ZNF626: variants seen among roughly 807,000 people sequenced by gnomAD.
The protein encoded by ZNF626 is zinc finger protein 626, also known as CTC-513N18.7.
A neutral mutation model predicts 11.7 loss-of-function variants in ZNF626; 4 were observed. That is an observed-to-expected ratio of 0.34 (90% CI 0.17 to 0.78). ZNF626 has a LOEUF of 0.78. Ranked by LOEUF, ZNF626 falls within the 30% of genes least tolerant of loss-of-function variation. The probability of loss-of-function intolerance (pLI) is 0.57; values close to 1 mark genes in which losing one functional copy is unlikely to be tolerated. For missense variants in ZNF626, 588 were observed against 587.1 expected (o/e 1.00, Z -0.01); for synonymous variants, 179 against 198.6 (o/e 0.90, Z 0.83).
intron 3 of ZNF626, among the ~76,000 whole-genome samples, chr19:20,633,389 G>A (rs1969930329): frequency 8.5e-6 from 1 of 118,224 alleles, no homozygotes; most frequent in African/African-American, 4.1e-5. Flanking sequence ...CAGAGGTGGA[G>A]CCTAAGAGGC....
rs1969750043 is a variant in ZNF626, at chr19:20,620,866, G to C, written c.*3424C>G. Reference sequence around the variant, plus strand: ...TTTTTCTTTTTTTTTTTGTGACGGAGTCTTGCTCTGTTGCCCAGGCTGGAG... The same window carrying C: ...TTTTTCTTTTTTTTTTTGTGACGGACTCTTGCTCTGTTGCCCAGGCTGGAG... On this transcript the variant is annotated 3_prime_UTR_variant, in exon 4 of 4. Transcript: ENST00000601440. 6.9e-6 allele frequency: 1 copy of C among 144,666 alleles called. No individual in the cohort carries two copies. The highest frequency in any genetic ancestry group is 7.1e-5 in the Admixed American group (1 of 14,162). The allele number at this position is 144,666 out of a possible 1,614,324, so 9.0% of individuals were successfully genotyped here. A position where few individuals can be genotyped will look rare whatever the true frequency, so the allele number is the denominator to read the frequency against.
intron 3 of ZNF626, among the ~76,000 whole-genome samples, chr19:20,644,420 C>T (rs1555771718): frequency 1.3e-5 from 2 of 152,186 alleles, no homozygotes; most frequent in African/African-American, 2.4e-5. Flanking sequence ...AACAAGCCAA[C>T]TGAAGATGAA....
chr19:20,654,469 G>A (rs1430801632), intron 1 of ZNF626, among the ~76,000 whole-genome samples: 1 of 151,852 alleles, frequency 6.6e-6, no homozygotes, highest in African/African-American at 2.4e-5. Flanking sequence ...AGCACTTTGG[G>A]AGGCTGAGGT....
At chr19:20,658,085 C>T (rs548624320) in intron 1 of ZNF626, among the ~76,000 whole-genome samples, 2 of 151,642 alleles carry the variant, frequency 1.3e-5, no homozygotes, top group Non-Finnish European at 1.5e-5. Flanking sequence ...CATGTGTACA[C>T]CCAACCAAAA....
chr19:20,652,561 T>C (rs1970158704), intron 1 of ZNF626, among the ~76,000 whole-genome samples: 2 of 152,348 alleles, frequency 1.3e-5, no homozygotes, highest in South Asian at 2.1e-4. Context: ...GGGTATGGGA[T>C]ATAGTGTCCA....
intron 3 of ZNF626, among the ~76,000 whole-genome samples, chr19:20,640,449 G>C (rs73537339): frequency 0.035 from 5,230 of 151,372 alleles, 302 homozygotes; most frequent in African/African-American, 0.12. Context: ...AACAATTCAA[G>C]AGTAACAACA....
intron 3 of ZNF626, among the ~76,000 whole-genome samples, chr19:20,629,269 C>CT (rs371118526): frequency 0.45 from 69,018 of 151,744 alleles, 17,105 homozygotes; most frequent in African/African-American, 0.66. Flanking sequence ...GATGCGGGCT[C>CT]TTTTTGGTTT....
chr19:20,626,677 T>G (rs1969837567), intron 3 of ZNF626, among the ~76,000 whole-genome samples: 1 of 152,078 alleles, frequency 6.6e-6, no homozygotes, highest in South Asian at 2.1e-4. Context: ...GAGTGAATAT[T>G]GTACCACTGC....
intron 1 of ZNF626, 137 bp downstream of exon 1, chr19:20,661,307 G>A (rs1970265033): frequency 4.9e-6 from 6 of 1,216,484 alleles, no homozygotes; most frequent in Admixed American, 3.5e-5. Flanking sequence ...ACAGGACTGA[G>A]GCCGAGCTGA....
Position 20,622,632 on chromosome 19 carries a change from T to C in ZNF626, c.*1658A>G, listed in dbSNP as rs1192487783. ...TGTTTTCAAGGAAACAAATATACTT[T>C]CAATGTAAATACAAAGCTTCAAAAA... On this transcript the variant is annotated 3_prime_UTR_variant, in exon 4 of 4. Coordinates refer to ENST00000601440, the MANE Select transcript of ZNF626 (RefSeq NM_001076675.3). 6.6e-6 allele frequency: 1 copy of C among 152,180 alleles called. No homozygotes were observed. Among genetic ancestry groups the C allele is most frequent in the African/African-American group, 2.4e-5 (1 of 41,456 alleles). 9.4% of individuals were successfully genotyped at this position (152,180 alleles called of 1,614,324 possible).
intron 3 of ZNF626, among the ~76,000 whole-genome samples, chr19:20,631,058 T>C (rs1224139080): frequency 2.0e-5 from 3 of 152,216 alleles, no homozygotes; most frequent in African/African-American, 7.2e-5. Context: ...GAGCAGGTTG[T>C]TCAGTTTCCA....
intron 3 of ZNF626, among the ~76,000 whole-genome samples, chr19:20,641,917 C>A (rs1555771504): frequency 2.5e-5 from 3 of 121,366 alleles, no homozygotes; most frequent in Non-Finnish European, 3.3e-5. Flanking sequence ...GTTTTTAAAA[C>A]AATGTTTAAA....
intron 1 of ZNF626, among the ~76,000 whole-genome samples, chr19:20,656,120 A>G (rs1286309362): frequency 1.3e-5 from 2 of 152,126 alleles, no homozygotes; most frequent in Non-Finnish European, 2.9e-5. Flanking sequence ...CAGAATAGAG[A>G]GCCCAGAAAT....
rs1474169656 is a variant in ZNF626, at chr19:20,627,282, TAAGAA to T, written c.227-1637_227-1633del. ...CAAGCAAACCTTCAAAAATCATAGA[TAAGAA>T]GAGAATTTTAGGAGCTGTAATGTAG... On this transcript the variant is annotated intron_variant, in intron 3 of 3. Coordinates refer to ENST00000601440, the MANE Select transcript of ZNF626 (RefSeq NM_001076675.3). Among the ~76,000 whole-genome samples the T allele has an allele frequency of 4.0e-5, 6 of 151,658 alleles. No homozygotes were observed. In the East Asian group the frequency reaches 7.8e-4, roughly 20 times the overall value.
chr19:20,659,228 C>T (rs1184334766), intron 1 of ZNF626, among the ~76,000 whole-genome samples: 1 of 152,064 alleles, frequency 6.6e-6, no homozygotes, highest in Non-Finnish European at 1.5e-5. Context: ...CTGAATTTGT[C>T]TTCAGTGGTC....
chr19:20,643,430 A>T (rs1047355225), intron 3 of ZNF626, among the ~76,000 whole-genome samples: 1 of 152,162 alleles, frequency 6.6e-6, no homozygotes, highest in East Asian at 1.9e-4. Flanking sequence ...ATAACTACTT[A>T]TAACTAGTAA....
At chr19:20,627,709 T>C (rs1206654132) in intron 3 of ZNF626, among the ~76,000 whole-genome samples, 1 of 152,128 alleles carries the variant, frequency 6.6e-6, no homozygotes, top group Non-Finnish European at 1.5e-5. Flanking sequence ...CAGGAGTCAG[T>C]TGAGATCTAC....
rs897842257 is a variant in ZNF626, at chr19:20,623,499, T to C, written c.*791A>G. 2 of 154,626 alleles carry C rather than the reference T, an allele frequency of 1.3e-5. No individual in the cohort carries two copies. Among genetic ancestry groups the C allele is most frequent in the Admixed American group, 1.3e-4 (2 of 15,766 alleles). The allele number at this position is 154,626 out of a possible 1,614,324, so 9.6% of individuals were successfully genotyped here. ...TCAGAATGAATTATCACCATGTCTC[T>C]TAATAGTAAGAACTTGTGGCCAGGC... On this transcript the variant is annotated 3_prime_UTR_variant, in exon 4 of 4. Coordinates refer to ENST00000601440, the MANE Select transcript of ZNF626 (RefSeq NM_001076675.3).
At chr19:20,643,112 G>A (rs1465661542) in intron 3 of ZNF626, among the ~76,000 whole-genome samples, 1 of 152,036 alleles carries the variant, frequency 6.6e-6, no homozygotes, top group African/African-American at 2.4e-5. Flanking sequence ...GCACTGTGTA[G>A]CAGTAAAATT....
Sources: allele counts gnomAD v4.1 joint callset (sites outside exome capture counted in the v4.1 genomes callset), GRCh38; gene constraint gnomAD v4.1.1; transcripts MANE v1.5; gene names NCBI Gene and HGNC (gene_info 2026-07-23, HGNC 2026-07-21).